The following CDKL5 variants were observed in gnomAD, a reference collection of about 807,000 sequenced individuals.
CDKL5 encodes the protein cyclin-dependent kinase-like 5.
CDKL5 carries 8 observed loss-of-function variants against 61.7 expected under a neutral mutation model. That is an observed-to-expected ratio of 0.13 (90% confidence interval 0.08 to 0.23). The LOEUF is 0.23. Among genes scored for constraint, CDKL5 ranks in the 10% least tolerant of loss-of-function variants. The pLI is 1.00. For missense variants in CDKL5, 440 were observed against 734.5 expected (o/e 0.60, Z 4.63); for synonymous variants, 275 against 272.3 (o/e 1.01, Z -0.10).
chrX:18,495,509 G>A (rs760538809), intron 1 of CDKL5, among the ~76,000 whole-genome samples: 26 of 111,948 alleles, frequency 2.3e-4, no homozygotes, highest in Admixed American at 1.7e-3. Flanking sequence ...AATCAAAAAC[G>A]CAAACAATTT....
rs936262761 is a variant in CDKL5 at position 18,634,081 on chromosome X, C to T, written c.*5324C>T. On this transcript the variant is annotated 3_prime_UTR_variant, in exon 18 of 18. Coordinates refer to ENST00000623535, the MANE Select transcript of CDKL5 (RefSeq NM_001323289.2). Reference sequence around the variant, plus strand: ...TCCCACAAGGTTAAGCTCTCGAAACCCCATTTGATCCTTGGTTCCTATTTC... The same window carrying T: ...TCCCACAAGGTTAAGCTCTCGAAACTCCATTTGATCCTTGGTTCCTATTTC... 1.3e-6 allele frequency: 1 copy of T among 752,133 alleles called. No individual in the cohort carries two copies. The highest frequency in any genetic ancestry group is 2.3e-5 in the African/African-American group (1 of 43,057). 62.0% of individuals were successfully genotyped at this position (752,133 alleles called of 1,213,427 possible).
chrX:18,653,450 G>A lies in CDKL5; in HGVS notation c.2999G>A (p.Arg1000Lys), dbSNP rs766531184. The change falls in exon 22 of 22, where the codon AGA becomes AAA. Residue 1000 changes from arginine to lysine, a missense_variant. Coordinates refer to the CDKL5 transcript ENST00000379989. ...TTTCCAGGGTTCTCTTTCTTCGTGA[G>A]ACACGTTATGAGGGAAGCCCTGATT... 5 of 1,209,501 alleles carry A rather than the reference G, an allele frequency of 4.1e-6. No homozygotes were observed. The highest frequency in any genetic ancestry group is 4.4e-5 in the Admixed American group (2 of 45,688).
chrX:18,599,555 G>A (rs192511935), intron 11 of CDKL5, among the ~76,000 whole-genome samples: 12 of 111,979 alleles, frequency 1.1e-4, no homozygotes, highest in Non-Finnish European at 1.5e-4. Flanking sequence ...CCAGGCTCAA[G>A]CCTCCCTCCC....
chrX:18,603,614 G>A (rs1299262434), intron 11 of CDKL5, among the ~76,000 whole-genome samples: 1 of 112,247 alleles, frequency 8.9e-6, no homozygotes. Context: ...TATAATGAGA[G>A]TATGTTTTAC....
At chrX:18,452,819 GTTTTTTTTTT>G (rs757726659) in intron 1 of CDKL5, among the ~76,000 whole-genome samples, 1 of 57,671 alleles carries the variant, frequency 1.7e-5, no homozygotes, top group Non-Finnish European at 3.1e-5. Flanking sequence ...TAGTTCTCAA[GTTTTTTTTTT>G]TTTTTTTTTT....
chrX:18,436,511 G>A (rs1442248249), intron 1 of CDKL5, among the ~76,000 whole-genome samples: 1 of 111,134 alleles, frequency 9.0e-6, no homozygotes, highest in Non-Finnish European at 1.9e-5. Context: ...GAAGGACCTG[G>A]TCTAGTTGGG....
At chrX:18,425,717 C>T (rs1323855619) in intron 1 of CDKL5, 22 bp downstream of exon 1, 2 of 112,043 alleles carry the variant, frequency 1.8e-5, no homozygotes, top group Non-Finnish European at 3.8e-5. Context: ...CGCCGCCACC[C>T]GCCCGCCAAG....
rs183805514 is a variant in CDKL5, at chrX:18,436,416, G to C, written c.-163+10721G>C. 2.7e-4 allele frequency among the ~76,000 whole-genome samples: 30 copies of C among 111,501 alleles called. 2 individuals are homozygous for C. The Admixed American group carries it at 2.8e-3, about 10-fold the overall frequency. ...TTCAAGGGTCAACTGTATGTAACAG[G>C]GTAGGGTTGGAGAGTCTGTCCTTGG... On this transcript the variant is annotated intron_variant, in intron 1 of 17. Coordinates refer to ENST00000623535, the MANE Select transcript of CDKL5 (RefSeq NM_001323289.2).
chrX:18,590,141 A>G (rs1397140998), intron 9 of CDKL5, among the ~76,000 whole-genome samples: 1 of 111,538 alleles, frequency 9.0e-6, no homozygotes, highest in Non-Finnish European at 1.9e-5. Context: ...CTTTAGTTTA[A>G]TTAGATCCCA....
intron 1 of CDKL5, among the ~76,000 whole-genome samples, chrX:18,476,952 T>G (rs761268359): frequency 9.0e-6 from 1 of 111,569 alleles, no homozygotes; most frequent in South Asian, 3.7e-4. Context: ...GTATTTTTAG[T>G]AGAGATGGAG....
chrX:18,427,215 A>G (rs1343808618), intron 1 of CDKL5, among the ~76,000 whole-genome samples: 1 of 109,952 alleles, frequency 9.1e-6, no homozygotes, highest in Non-Finnish European at 1.9e-5. Context: ...GAAACCAGGA[A>G]TAAGGAAGCC....
chrX:18,556,553 ATT>A (rs745362058), intron 3 of CDKL5, among the ~76,000 whole-genome samples: 2 of 111,589 alleles, frequency 1.8e-5, no homozygotes, highest in Non-Finnish European at 3.8e-5. Flanking sequence ...CAGAATGATG[ATT>A]TGAGAATTAA....
rs760630544 is a variant in CDKL5, at chrX:18,518,425, T to C, written c.99+7571T>C. On this transcript the variant is annotated intron_variant, in intron 3 of 17. Transcript: ENST00000623535. Reference sequence around the variant, plus strand: ...TTTTTTTTTTTTTTTTTTTTTTTTGTGACAGAGTCTCGCTCTGTCGCCAGG... The same window carrying C: ...TTTTTTTTTTTTTTTTTTTTTTTTGCGACAGAGTCTCGCTCTGTCGCCAGG... Among the ~76,000 whole-genome samples the C allele has an allele frequency of 2.9e-3, 229 of 78,704 alleles. 3 individuals carry two copies. The Middle Eastern group carries it at 0.035, about 12-fold the overall frequency. 68.3% of individuals were successfully genotyped at this position (78,704 alleles called of 115,157 possible).
At chrX:18,545,994 G>GGA (rs755471674) in intron 3 of CDKL5, among the ~76,000 whole-genome samples, 31 of 111,396 alleles carry the variant, frequency 2.8e-4, no homozygotes, top group Non-Finnish European at 5.6e-4. Flanking sequence ...CTACTCTAGT[G>GGA]AGTCCTGTTG....
At chrX:18,538,209 C>T (rs140792064) in intron 3 of CDKL5, among the ~76,000 whole-genome samples, 1 of 111,618 alleles carries the variant, frequency 9.0e-6, no homozygotes, top group East Asian at 2.8e-4. Flanking sequence ...TGTTGAACAC[C>T]GTTCCTGTGC....
rs184005470 is a variant in CDKL5 at position 18,500,091 on chromosome X, T to C, written c.-162-6844T>C. Reference sequence around the variant, plus strand: ...GTTTTTTCTTATCCTGGGAGTATATTCTGGGGTTTTGGCTTCAAGTGAGTG... The same window carrying C: ...GTTTTTTCTTATCCTGGGAGTATATCCTGGGGTTTTGGCTTCAAGTGAGTG... On this transcript the variant is annotated intron_variant, in intron 1 of 17. Coordinates refer to ENST00000623535, the MANE Select transcript of CDKL5 (RefSeq NM_001323289.2). Among the ~76,000 whole-genome samples, 483 of 111,875 alleles carry C rather than the reference T, an allele frequency of 4.3e-3. 2 individuals carry two copies. The Middle Eastern group carries it at 0.046, about 11-fold the overall frequency.
intron 3 of CDKL5, among the ~76,000 whole-genome samples, chrX:18,534,478 A>T (rs137962505): frequency 0.013 from 1,400 of 111,689 alleles, 12 homozygotes; most frequent in Middle Eastern, 0.023. Context: ...TTAATAAAAT[A>T]TTGCACTTTT....
chrX:18,499,894 C>T (rs1303840212), intron 1 of CDKL5, among the ~76,000 whole-genome samples: 1 of 111,995 alleles, frequency 8.9e-6, no homozygotes, highest in Non-Finnish European at 1.9e-5. Flanking sequence ...CTGGTTGATG[C>T]CATCTTCCCT....
At chrX:18,427,831 C>T (rs1187254840) in intron 1 of CDKL5, among the ~76,000 whole-genome samples, 1 of 110,660 alleles carries the variant, frequency 9.0e-6, no homozygotes, top group Non-Finnish European at 1.9e-5. Context: ...TTTTTTACCC[C>T]TTTTTCTCAG....
Sources: gnomAD v4.1 joint callset for allele counts (sites outside exome capture counted in the v4.1 genomes callset) on GRCh38, gnomAD v4.1.1 for gene constraint, MANE v1.5 for transcripts, NCBI Gene and HGNC (gene_info 2026-07-23, HGNC 2026-07-21) for gene names.